Variants in ANK3 observed in about 807,000 individuals in gnomAD.
ANK3 encodes ankyrin-3.
ANK3 carries 57 observed loss-of-function variants against 370.9 expected under a neutral mutation model. That is an observed-to-expected ratio of 0.15 (90% CI 0.12 to 0.19). The LOEUF (loss-of-function observed/expected upper bound fraction) is 0.19. Among genes scored for constraint, ANK3 ranks in the 10% least tolerant of loss-of-function variants. The pLI, the probability that ANK3 is intolerant of heterozygous loss-of-function variation, is 1.00. For synonymous variants in ANK3, 1,929 were observed against 1,946.3 expected (o/e 0.99, Z 0.23); for missense variants, 4,439 against 5,302.1 (o/e 0.84, Z 5.06).
intron 1 of ANK3, among the ~76,000 whole-genome samples, chr10:60,654,946 G>A (rs1325553187): frequency 6.6e-6 from 1 of 152,010 alleles, no homozygotes; most frequent in Non-Finnish European, 1.5e-5. Context: ...AGATTTTAAG[G>A]GAGCTGAAAA....
intron 2 of ANK3, among the ~76,000 whole-genome samples, chr10:60,614,598 C>T (rs142246087): frequency 7.9e-5 from 12 of 152,250 alleles, no homozygotes; most frequent in Admixed American, 6.5e-5. Flanking sequence ...AGCATTTACA[C>T]GTCACTATAT....
chr10:60,694,454 C>T (rs2079411044), intron 1 of ANK3, among the ~76,000 whole-genome samples: 1 of 151,898 alleles, frequency 6.6e-6, no homozygotes, highest in South Asian at 2.1e-4. Flanking sequence ...GTCAGATTCA[C>T]CAAAGTTGAA....
chr10:60,430,620 T>C (rs139439257), intron 2 of ANK3, among the ~76,000 whole-genome samples: 38 of 152,308 alleles, frequency 2.5e-4, no homozygotes, highest in African/African-American at 8.2e-4. Flanking sequence ...ATGGGTATGG[T>C]TATCCTAGTT....
intron 1 of ANK3, among the ~76,000 whole-genome samples, chr10:60,665,008 T>C (rs1332853584): frequency 6.6e-6 from 1 of 152,200 alleles, no homozygotes; most frequent in Non-Finnish European, 1.5e-5. Flanking sequence ...CAGAAAGTAC[T>C]TCCTATCCCG....
chr10:60,564,064 AT>A, intron 2 of ANK3, among the ~76,000 whole-genome samples: 1 of 152,322 alleles, frequency 6.6e-6, no homozygotes, highest in South Asian at 2.1e-4. Flanking sequence ...AAAAAAAATC[AT>A]TTCAAATTAA....
chr10:60,514,963 T>TA (rs1268664616), intron 2 of ANK3, among the ~76,000 whole-genome samples: 1 of 152,168 alleles, frequency 6.6e-6, no homozygotes, highest in African/African-American at 2.4e-5. Flanking sequence ...CTCTAGGCTC[T>TA]AAATAAAACT....
At chr10:60,536,530 G>A (rs1161794308) in intron 2 of ANK3, among the ~76,000 whole-genome samples, 1 of 151,992 alleles carries the variant, frequency 6.6e-6, no homozygotes, top group Non-Finnish European at 1.5e-5. Context: ...TTCTAAAATA[G>A]TCTACATGAT....
chr10:60,133,511 C>T (rs1167725399), intron 25 of ANK3, among the ~76,000 whole-genome samples: 1 of 152,240 alleles, frequency 6.6e-6, no homozygotes, highest in Non-Finnish European at 1.5e-5. Context: ...ATCACATCTT[C>T]AGACACCCAT....
In ANK3 at chr10:60,733,303, G is replaced by A; in HGVS notation, c.17C>T (p.Ser6Phe). ...GTCCTCGGTGCCCGCGGGAGAGGAG[G>A]AGGCGGAGGAGGCCATGTTGTGGGG... Residue 6 changes from serine to phenylalanine, a missense_variant, in exon 1 of 44, where the codon TCC becomes TTC. Ser to Phe is a radical substitution (Grantham distance 155, BLOSUM62 -2). Coordinates refer to the ANK3 transcript ENST00000373827. 4.9e-6 allele frequency: 6 copies of A among 1,236,386 alleles called. No individual in the cohort carries two copies. The South Asian group carries it at 2.4e-4, about 50-fold the overall frequency. The allele number at this position is 1,236,386 out of a possible 1,614,324, so 76.6% of individuals were successfully genotyped here.
intron 2 of ANK3, among the ~76,000 whole-genome samples, chr10:60,436,504 T>C (rs1198701378): frequency 1.3e-5 from 2 of 152,238 alleles, no homozygotes; most frequent in African/African-American, 4.8e-5. Flanking sequence ...TTATTCTAGT[T>C]GGTGTAAAAT....
chr10:60,056,063 A>AATGGCAAACT (rs2079099846), intron 41 of ANK3, 27 bp from the exon 42 acceptor site: 2 of 1,577,484 alleles, frequency 1.3e-6, no homozygotes, highest in East Asian at 4.5e-5. Context: ...GCAAATTCAC[A>AATGGCAAACT]ATGGCAAACT....
intron 1 of ANK3, among the ~76,000 whole-genome samples, chr10:60,308,840 G>C (rs564033217): frequency 6.6e-6 from 1 of 152,176 alleles, no homozygotes; most frequent in African/African-American, 2.4e-5. Flanking sequence ...CAGGAGGCCT[G>C]GTTTATCCCT....
At chr10:60,716,567 G>A (rs1178797185) in intron 1 of ANK3, among the ~76,000 whole-genome samples, 1 of 152,148 alleles carries the variant, frequency 6.6e-6, no homozygotes, top group Non-Finnish European at 1.5e-5. Flanking sequence ...AGGCTGGAGT[G>A]TAGTGGCACA....
At chr10:60,052,984 C>T (rs1287026959) in intron 42 of ANK3, among the ~76,000 whole-genome samples, 1 of 152,130 alleles carries the variant, frequency 6.6e-6, no homozygotes, top group East Asian at 1.9e-4. Context: ...GTACTATCAG[C>T]CTTGACTTTA....
chr10:60,322,664 A>T (rs2048922025), intron 1 of ANK3, among the ~76,000 whole-genome samples: 2 of 152,124 alleles, frequency 1.3e-5, no homozygotes, highest in South Asian at 4.1e-4. Flanking sequence ...AATGTATGTC[A>T]GACTCTCTTT....
intron 1 of ANK3, among the ~76,000 whole-genome samples, chr10:60,677,562 C>G (rs558714541): frequency 6.6e-6 from 1 of 151,932 alleles, no homozygotes; most frequent in Non-Finnish European, 1.5e-5. Context: ...AAGGTTGCAA[C>G]CTTACCATTC....
At chr10:60,702,891 A>T (rs1055178847) in intron 1 of ANK3, among the ~76,000 whole-genome samples, 13 of 152,226 alleles carry the variant, frequency 8.5e-5, no homozygotes, top group Non-Finnish European at 1.8e-4. Flanking sequence ...CTTACAAAAA[A>T]GTATCCAAGC....
intron 28 of ANK3, among the ~76,000 whole-genome samples, chr10:60,100,234 GTTTT>G (rs3045340): frequency 9.2e-4 from 53 of 57,902 alleles, no homozygotes; most frequent in African/African-American, 3.7e-3. Flanking sequence ...TTTTGCTATG[GTTTT>G]TTTTTTTTTT....
Position 60,694,149 on chromosome 10 carries a change from G to A in ANK3, c.57+39114C>T, listed in dbSNP as rs2079404741. Reference sequence around the variant, plus strand: ...CGATCAACTGGAAGAAAGGGTATCAGTGATGGAAGATGAAATGAATGAAAT... The same window carrying A: ...CGATCAACTGGAAGAAAGGGTATCAATGATGGAAGATGAAATGAATGAAAT... On this transcript the variant is annotated intron_variant, in intron 1 of 43. Coordinates refer to the ANK3 transcript ENST00000373827. Among the ~76,000 whole-genome samples the A allele has an allele frequency of 2.6e-5, 4 of 152,314 alleles. No homozygotes were observed. The South Asian group carries it at 8.3e-4, about 32-fold the overall frequency.
Sources: gnomAD v4.1 joint callset for allele counts (sites outside exome capture counted in the v4.1 genomes callset) on GRCh38, gnomAD v4.1.1 for gene constraint, MANE v1.5 for transcripts, NCBI Gene and HGNC (gene_info 2026-07-23, HGNC 2026-07-21) for gene names.